The following IBTK variants were observed in gnomAD, a reference collection of about 807,000 sequenced individuals.
The protein encoded by IBTK is inhibitor of Bruton tyrosine kinase.
Under a neutral mutation model 154.9 loss-of-function variants are expected in IBTK, and 83 were observed. That is an observed-to-expected ratio of 0.54 (90% CI 0.45 to 0.64). The LOEUF is 0.64. IBTK is among the 30% of genes least tolerant of loss of function. IBTK has a pLI of 0.00. For missense variants in IBTK, 1,332 were observed against 1,584.6 expected, an observed-to-expected ratio of 0.84 and a Z score of 2.71; for synonymous variants, 515 against 536.1, an observed-to-expected ratio of 0.96 and a Z score of 0.54.
intron 1 of IBTK, among the ~76,000 whole-genome samples, chr6:82,244,092 G>A (rs1175848989): frequency 6.6e-6 from 1 of 152,072 alleles, no homozygotes; most frequent in Admixed American, 6.6e-5. Flanking sequence ...TCTCCAAGTC[G>A]TTTCTTCATC....
chr6:82,225,466 G>C lies in IBTK; in HGVS notation c.825+11C>G. ...ATGTAAAACCTTATTATTTAAAAGA[G>C]TAAAGCTTACCTGTCTGGGTACATT... On this transcript the variant is annotated intron_variant, in intron 6 of 28. Transcript: ENST00000306270. 6.2e-7 allele frequency: 1 copy of C among 1,603,546 alleles called. No homozygotes were observed. The highest frequency in any genetic ancestry group is 8.5e-7 in the Non-Finnish European group (1 of 1,175,598).
At chr6:82,180,157 C>T (rs1768265853) in intron 26 of IBTK, among the ~76,000 whole-genome samples, 1 of 152,092 alleles carries the variant, frequency 6.6e-6, no homozygotes, top group Non-Finnish European at 1.5e-5. Context: ...TATTTATAAG[C>T]CTATCATAAT....
intron 3 of IBTK, among the ~76,000 whole-genome samples, chr6:82,233,711 G>GT (rs375746607): frequency 0.011 from 1,291 of 122,806 alleles, 15 homozygotes; most frequent in South Asian, 0.017. Context: ...CATTTGTAAA[G>GT]TTTTTTTTTT....
At chr6:82,192,500 A>G (rs573487135) in intron 23 of IBTK, among the ~76,000 whole-genome samples, 416 of 152,240 alleles carry the variant, frequency 2.7e-3, no homozygotes, top group African/African-American at 9.6e-3. Flanking sequence ...TAATCCCAGT[A>G]CTTTGGGAGG....
chr6:82,210,429 C>G (rs562414587), intron 16 of IBTK: 1 of 151,660 alleles, frequency 6.6e-6, no homozygotes, highest in Non-Finnish European at 1.5e-5. Context: ...TACTTGCTGC[C>G]GAAGCAAGCA....
chr6:82,226,923 T>C (rs940972650), intron 5 of IBTK, among the ~76,000 whole-genome samples: 1 of 152,184 alleles, frequency 6.6e-6, no homozygotes, highest in Non-Finnish European at 1.5e-5. Flanking sequence ...CCTTCTTCTA[T>C]TTCAACTCTA....
chr6:82,224,816 A>AT (rs879544970), intron 6 of IBTK, among the ~76,000 whole-genome samples: 7 of 152,132 alleles, frequency 4.6e-5, no homozygotes, highest in East Asian at 1.9e-4. Flanking sequence ...TAAATTTCAT[A>AT]TTTTTTCTTA....
chr6:82,221,286 T>C (rs1770093035), intron 8 of IBTK, among the ~76,000 whole-genome samples: 2 of 152,172 alleles, frequency 1.3e-5, no homozygotes. Flanking sequence ...ATCACACCAG[T>C]GCACTCCAGC....
intron 20 of IBTK, 81 bp downstream of exon 20, chr6:82,200,506 C>T: frequency 8.1e-7 from 1 of 1,242,126 alleles, no homozygotes; most frequent in East Asian, 2.6e-5. Context: ...TGTCATATGT[C>T]CAAGATGAGA....
At chr6:82,182,169 C>A in intron 25 of IBTK, 141 bp from the exon 26 acceptor site, 1 of 737,420 alleles carries the variant, frequency 1.4e-6, no homozygotes, top group South Asian at 2.0e-5. Flanking sequence ...TGGATTCTTG[C>A]TGCCAATTGT....
intron 11 of IBTK, among the ~76,000 whole-genome samples, chr6:82,215,487 A>C (rs113264866): frequency 2.2e-3 from 332 of 152,280 alleles, no homozygotes; most frequent in Non-Finnish European, 3.5e-3. Context: ...TACATCATAC[A>C]GTATGAAAGA....
In IBTK at chr6:82,171,555, A is replaced by C. The variant is rs1454075201; in HGVS notation, c.3932T>G (p.Ile1311Ser). 6.3e-7 allele frequency: 1 copy of C among 1,590,942 alleles called. No homozygotes were observed. ...SREKPLALIQ[I>S]EEHAIQDLLV... is the part of the protein sequence containing the mutation. ...TAAATCTTGTATGGCATGCTCCTCA[A>C]TCTGAAAGGAGGAAGGGAAAGAAGA... The change falls in exon 29 of 29, where the codon ATT becomes AGT. Residue 1311 changes from isoleucine to serine, a missense_variant and splice_region_variant. By Grantham distance (142) the Ile-to-Ser change is moderately radical. Coordinates refer to ENST00000306270, the MANE Select transcript of IBTK (RefSeq NM_015525.4).
At chr6:82,246,080 C>T (rs1031526702) in intron 1 of IBTK, among the ~76,000 whole-genome samples, 2 of 152,074 alleles carry the variant, frequency 1.3e-5, no homozygotes, top group African/African-American at 4.8e-5. Context: ...GTTTAAAAAG[C>T]CTACCTAAAA....
intron 3 of IBTK, among the ~76,000 whole-genome samples, chr6:82,233,433 ACTTT>A (rs1265281075): frequency 3.3e-5 from 5 of 152,176 alleles, no homozygotes; most frequent in African/African-American, 1.2e-4. Context: ...TGCTGATGTT[ACTTT>A]CTGAGTATAT....
intron 2 of IBTK, among the ~76,000 whole-genome samples, chr6:82,235,163 G>A (rs1393252366): frequency 6.6e-6 from 1 of 151,982 alleles, no homozygotes; most frequent in Non-Finnish European, 1.5e-5. Flanking sequence ...CCGGCCATGT[G>A]AACATTTTTA....
chr6:82,243,195 C>A (rs543096412), intron 1 of IBTK, among the ~76,000 whole-genome samples: 97 of 148,964 alleles, frequency 6.5e-4, no homozygotes, highest in Non-Finnish European at 1.2e-3. Context: ...GAGCCGAGAT[C>A]GTGCCACTGC....
chr6:82,209,474 GTTGT>G (rs1382890275), intron 16 of IBTK, among the ~76,000 whole-genome samples: 3 of 152,184 alleles, frequency 2.0e-5, no homozygotes, highest in Non-Finnish European at 4.4e-5. Context: ...AAGGTCACAT[GTTGT>G]TTGATTGTAT....
intron 3 of IBTK, among the ~76,000 whole-genome samples, chr6:82,233,155 CAAA>C (rs35870814): frequency 0.01 from 950 of 93,348 alleles, 8 homozygotes; most frequent in African/African-American, 0.026. Context: ...GAAACTGTCT[CAAA>C]AAAAAAAAAA....
rs1222083281 is a variant in IBTK, at chr6:82,191,603, C to A, written c.3431+184G>T. 3 of 670,410 alleles carry A rather than the reference C, an allele frequency of 4.5e-6. No homozygotes were observed. The South Asian group carries it at 4.8e-5, about 11-fold the overall frequency. 41.5% of individuals were successfully genotyped at this position (670,410 alleles called of 1,614,324 possible). On this transcript the variant is annotated intron_variant, in intron 24 of 28. Coordinates refer to ENST00000306270, the MANE Select transcript of IBTK (RefSeq NM_015525.4). ...TATTCTACAAGAGCTGGATTATCAA[C>A]TCAACTCTATCTTTAGCACATATTT...
Sources: gnomAD v4.1 joint callset for allele counts (sites outside exome capture counted in the v4.1 genomes callset) on GRCh38, gnomAD v4.1.1 for gene constraint, MANE v1.5 for transcripts, NCBI Gene and HGNC (gene_info 2026-07-23, HGNC 2026-07-21) for gene names.